The following ZNF143 variants were observed in gnomAD, a reference collection of about 807,000 sequenced individuals.
ZNF143 encodes the protein SPH-binding factor.
In ZNF143, 49 loss-of-function variants were observed where a neutral mutation model predicts 74.1. The observed-to-expected ratio is 0.66, with a 90% confidence interval of 0.53 to 0.84. ZNF143 has a LOEUF of 0.84. ZNF143 is among the 40% of genes least tolerant of loss of function. ZNF143 has a pLI of 0.00. For missense variants in ZNF143, 637 were observed against 793.4 expected (o/e 0.80, Z 2.37); for synonymous variants, 304 against 282.8 (o/e 1.07, Z -0.75).
At chr11:9,479,715 T>G (rs1847163200) in intron 7 of ZNF143, among the ~76,000 whole-genome samples, 169 bp downstream of exon 7, 1 of 152,176 alleles carries the variant, frequency 6.6e-6, no homozygotes, top group South Asian at 2.1e-4. Flanking sequence ...GAGGTCCCAG[T>G]GTTCATTGGT....
intron 14 of ZNF143, among the ~76,000 whole-genome samples, chr11:9,518,779 T>A (rs1170719790): frequency 1.3e-5 from 2 of 152,074 alleles, no homozygotes; most frequent in Non-Finnish European, 2.9e-5. Context: ...GTATTAACGG[T>A]TTAAGCTATT....
chr11:9,478,533 G>A lies in ZNF143; in HGVS notation c.517G>A (p.Asp173Asn). ...DGTVAGLHTG[D>N]ATIDPDTISA... ...GACAGTGGCAGGTCTGCACACTGGGGATGCTACAATTGACCCTGACACCAT... is the reference window on the plus strand; with the variant it reads ...GACAGTGGCAGGTCTGCACACTGGGAATGCTACAATTGACCCTGACACCAT... The change falls in exon 6 of 16, where the codon GAT becomes AAT. Residue 173 changes from aspartate to asparagine, a missense_variant. This residue lies in a region of ZNF143 where 293 missense variants were observed against 307.8 expected (regional missense o/e 0.95). Transcript: ENST00000396602. The A allele has an allele frequency of 6.2e-7, 1 of 1,614,206 alleles. No individual in the cohort carries two copies.
At chr11:9,520,122 C>T (rs560581449) in intron 14 of ZNF143, among the ~76,000 whole-genome samples, 20 of 147,152 alleles carry the variant, frequency 1.4e-4, no homozygotes, top group Non-Finnish European at 2.8e-4. Flanking sequence ...CTGCAACTTC[C>T]GCCTTCCGGG....
chr11:9,521,267 G>A (rs936856316), intron 14 of ZNF143, among the ~76,000 whole-genome samples: 9 of 152,140 alleles, frequency 5.9e-5, no homozygotes, highest in African/African-American at 2.2e-4. Flanking sequence ...CTCTATTAGA[G>A]TATTTTTACT....
At chr11:9,492,942 A>G (rs1196123804) in intron 7 of ZNF143, among the ~76,000 whole-genome samples, 3 of 152,222 alleles carry the variant, frequency 2.0e-5, no homozygotes, top group Admixed American at 6.5e-5. Flanking sequence ...AATGATGACA[A>G]CAGGCCTCAT....
At chr11:9,473,881 T>C in intron 3 of ZNF143, 60 bp from the exon 4 acceptor site, 1 of 1,613,128 alleles carries the variant, frequency 6.2e-7, no homozygotes, top group Non-Finnish European at 8.5e-7. Flanking sequence ...CATTTTGAAA[T>C]TGTATAAAGT....
chr11:9,482,007 G>T, intron 7 of ZNF143, among the ~76,000 whole-genome samples: 1 of 124,324 alleles, frequency 8.0e-6, no homozygotes. Flanking sequence ...GTCTCACTCT[G>T]TCGCCCAGGC....
chr11:9,476,671 T>G (rs1467327794), intron 5 of ZNF143, among the ~76,000 whole-genome samples: 2 of 149,590 alleles, frequency 1.3e-5, no homozygotes, highest in African/African-American at 4.9e-5. Flanking sequence ...TGCACCCAGC[T>G]AGAGAGCATT....
At chr11:9,517,083 T>G (rs1029826431) in intron 14 of ZNF143, among the ~76,000 whole-genome samples, 1 of 151,956 alleles carries the variant, frequency 6.6e-6, no homozygotes, top group African/African-American at 2.4e-5. Context: ...CCTGGCTAAT[T>G]TTTATTTTTT....
intron 13 of ZNF143, among the ~76,000 whole-genome samples, chr11:9,512,802 A>T (rs921765225): frequency 2.6e-5 from 4 of 152,242 alleles, no homozygotes; most frequent in Non-Finnish European, 5.9e-5. Flanking sequence ...TCCGAATGGT[A>T]TTCTTGGTGT....
chr11:9,479,360 C>CTTTTTT (rs891535837), intron 6 of ZNF143, 112 bp from the exon 7 acceptor site: 1 of 719,828 alleles, frequency 1.4e-6, no homozygotes, highest in East Asian at 3.4e-5. Context: ...GCCCCATGTA[C>CTTTTTT]TTTTTTTTCT....
At chr11:9,519,935 C>G (rs2134235897) in intron 14 of ZNF143, among the ~76,000 whole-genome samples, 1 of 151,958 alleles carries the variant, frequency 6.6e-6, no homozygotes, top group Admixed American at 6.6e-5. Context: ...CCTGTAATCC[C>G]AGCACTTTGG....
At chr11:9,469,212 G>C (rs968198539) in intron 1 of ZNF143, among the ~76,000 whole-genome samples, 2 of 136,360 alleles carry the variant, frequency 1.5e-5, no homozygotes, top group African/African-American at 5.7e-5. Context: ...TCTCAGCAGG[G>C]GTCTTTTTTT....
At chr11:9,520,761 C>A (rs979933262) in intron 14 of ZNF143, among the ~76,000 whole-genome samples, 3 of 152,082 alleles carry the variant, frequency 2.0e-5, no homozygotes, top group African/African-American at 7.2e-5. Flanking sequence ...TGCACTCCAG[C>A]CTGAGTGACA....
chr11:9,502,440 G>A (rs1044959055), intron 11 of ZNF143, among the ~76,000 whole-genome samples: 17 of 150,378 alleles, frequency 1.1e-4, no homozygotes, highest in African/African-American at 4.2e-4. Context: ...GAAACCCCAT[G>A]TCTACTAAAA....
At chr11:9,519,783 T>C (rs1848846602) in intron 14 of ZNF143, among the ~76,000 whole-genome samples, 1 of 152,218 alleles carries the variant, frequency 6.6e-6, no homozygotes, top group African/African-American at 2.4e-5. Flanking sequence ...TATTTACCTT[T>C]CTATGATAGT....
chr11:9,515,076 C>T (rs1460130082), intron 13 of ZNF143, among the ~76,000 whole-genome samples: 9 of 151,780 alleles, frequency 5.9e-5, no homozygotes, highest in African/African-American at 1.5e-4. Flanking sequence ...TGCGGTGAGC[C>T]GAGATCATGC....
At chr11:9,520,201 A>AATTT (rs1011706036) in intron 14 of ZNF143, among the ~76,000 whole-genome samples, 1 of 151,010 alleles carries the variant, frequency 6.6e-6, no homozygotes, top group African/African-American at 2.4e-5. Flanking sequence ...ATGCCCAGCT[A>AATTT]ATTTTTGTAT....
intron 12 of ZNF143, among the ~76,000 whole-genome samples, chr11:9,511,699 A>G (rs1158323372): frequency 6.6e-6 from 1 of 150,958 alleles, no homozygotes; most frequent in Non-Finnish European, 1.5e-5. Flanking sequence ...TGGCTTCCCA[A>G]AGTACTGACT....
Sources: allele counts gnomAD v4.1 joint callset (sites outside exome capture counted in the v4.1 genomes callset), GRCh38; gene constraint gnomAD v4.1.1; regional missense constraint gnomAD v4.1.1; transcripts MANE v1.5; gene names NCBI Gene and HGNC (gene_info 2026-07-23, HGNC 2026-07-21).